Variants in LINGO2 observed in about 807,000 individuals in gnomAD.
LINGO2 encodes leucine-rich repeat and immunoglobulin-like domain-containing nogo receptor-interacting protein 2.
A neutral mutation model predicts 30.6 loss-of-function variants in LINGO2; 14 were observed. The observed-to-expected ratio is 0.46, with a 90% CI of 0.30 to 0.72. The LOEUF (loss-of-function observed/expected upper bound fraction) is 0.72, where lower values mean the gene tolerates loss of function less well. Ranked by LOEUF, LINGO2 falls within the 30% of genes least tolerant of loss-of-function variation. The pLI is 0.07. For synonymous variants in LINGO2, 317 were observed against 288.5 expected (o/e 1.10, Z -1.00); for missense variants, 729 against 751.7 (o/e 0.97, Z 0.35).
At chr9:28,205,556 A>C (rs1820380268) in intron 4 of LINGO2, among the ~76,000 whole-genome samples, 1 of 152,318 alleles carries the variant, frequency 6.6e-6, no homozygotes, top group Admixed American at 6.5e-5. Context: ...GGGAGACAAC[A>C]GCCTTGTCTA....
At chr9:28,845,607 A>G in the LINGO2 span, among the ~76,000 whole-genome samples, 3 of 151,930 alleles carry the variant, frequency 2.0e-5, no homozygotes, top group Admixed American at 1.3e-4. Context: ...TTTAAAATTA[A>G]TTGAAGCATT....
At chr9:28,583,332 T>G in intron 1 of LINGO2, among the ~76,000 whole-genome samples, 1 of 151,974 alleles carries the variant, frequency 6.6e-6, no homozygotes, top group East Asian at 1.9e-4. Context: ...CAAAATGAAA[T>G]TGATTGCAAA....
At chr9:29,005,544 T>G in the LINGO2 span, among the ~76,000 whole-genome samples, 1 of 152,008 alleles carries the variant, frequency 6.6e-6, no homozygotes, top group African/African-American at 2.4e-5. Context: ...TAATACCGAA[T>G]GTACCCACAA....
chr9:28,612,167 T>C (rs1216460035), intron 1 of LINGO2, among the ~76,000 whole-genome samples: 1 of 152,106 alleles, frequency 6.6e-6, no homozygotes, highest in African/African-American at 2.4e-5. Flanking sequence ...GTTTGAGCCA[T>C]CCTTCTGCCT....
the LINGO2 span, among the ~76,000 whole-genome samples, chr9:29,102,084 CTTT>C: frequency 0.048 from 6,991 of 145,108 alleles, 198 homozygotes; most frequent in Admixed American, 0.084. Context: ...ACATCTGCAT[CTTT>C]TTTTTTTTTT....
the LINGO2 span, among the ~76,000 whole-genome samples, chr9:28,807,065 C>T: frequency 6.6e-6 from 1 of 151,882 alleles, no homozygotes; most frequent in African/African-American, 2.4e-5. Context: ...CACTCTGCCA[C>T]CCAGGCTGGA....
the LINGO2 span, among the ~76,000 whole-genome samples, chr9:28,890,937 G>C: frequency 6.6e-6 from 1 of 152,002 alleles, no homozygotes; most frequent in Non-Finnish European, 1.5e-5. Context: ...TAAATAATCA[G>C]CAACTCAGAG....
the LINGO2 span, among the ~76,000 whole-genome samples, chr9:29,118,954 C>G: frequency 6.6e-6 from 1 of 152,178 alleles, no homozygotes; most frequent in South Asian, 2.1e-4. Context: ...TATTACCTGA[C>G]TGCAGCCCCA....
At chr9:28,674,755 C>T (rs1245327893), upstream of LINGO2, among the ~76,000 whole-genome samples, 1 of 152,148 alleles carries the variant, frequency 6.6e-6, no homozygotes, top group East Asian at 1.9e-4. Context: ...ACAACACAGG[C>T]TTTAACACAT....
At chr9:28,659,952 A>G (rs547534285) in intron 1 of LINGO2, among the ~76,000 whole-genome samples, 1 of 152,348 alleles carries the variant, frequency 6.6e-6, no homozygotes, top group East Asian at 1.9e-4. Context: ...GACATCTTAA[A>G]TGTTCTGCAG....
intron 1 of LINGO2, among the ~76,000 whole-genome samples, chr9:28,532,369 C>T (rs1028346911): frequency 6.6e-6 from 1 of 151,988 alleles, no homozygotes; most frequent in African/African-American, 2.4e-5. Flanking sequence ...AGTCCTCAAA[C>T]TGTTTTTTGT....
At chr9:28,484,833 G>C (rs1826107623) in intron 1 of LINGO2, among the ~76,000 whole-genome samples, 1 of 152,100 alleles carries the variant, frequency 6.6e-6, no homozygotes, top group Non-Finnish European at 1.5e-5. Context: ...AGTAGTGTCA[G>C]AGAGAGACAT....
chr9:28,535,461 A>G (rs1040722661), intron 1 of LINGO2, among the ~76,000 whole-genome samples: 1 of 152,158 alleles, frequency 6.6e-6, no homozygotes, highest in African/African-American at 2.4e-5. Flanking sequence ...TCCCATAGCC[A>G]TTCTGGGGAT....
intron 5 of LINGO2, among the ~76,000 whole-genome samples, chr9:27,987,908 G>C (rs1024310929): frequency 1.3e-5 from 2 of 152,004 alleles, no homozygotes; most frequent in Non-Finnish European, 2.9e-5. Flanking sequence ...CAATGTGCAG[G>C]TTTGTTACAT....
chr9:28,073,235 A>T (rs891836881), intron 4 of LINGO2, among the ~76,000 whole-genome samples: 11 of 152,064 alleles, frequency 7.2e-5, no homozygotes, highest in Admixed American at 2.0e-4. Context: ...ATCATTAGTT[A>T]AGGCCTACCC....
At chr9:28,361,921 C>G (rs1317864395) in intron 3 of LINGO2, among the ~76,000 whole-genome samples, 1 of 152,202 alleles carries the variant, frequency 6.6e-6, no homozygotes, top group Non-Finnish European at 1.5e-5. Flanking sequence ...TAAGGTCACA[C>G]AGATAGTAAC....
intron 4 of LINGO2, among the ~76,000 whole-genome samples, chr9:28,049,495 C>G (rs1340830233): frequency 1.3e-5 from 2 of 150,252 alleles, no homozygotes. Context: ...CATATAGGGA[C>G]TAGGCATGAA....
chr9:28,583,398 T>C (rs1303173881), intron 1 of LINGO2, among the ~76,000 whole-genome samples: 2 of 151,994 alleles, frequency 1.3e-5, no homozygotes, highest in East Asian at 1.9e-4. Flanking sequence ...AAAATCTAAA[T>C]GTCTCATCTT....
intron 2 of LINGO2, among the ~76,000 whole-genome samples, chr9:28,379,336 T>G (rs1005274160): frequency 2.0e-5 from 3 of 152,110 alleles, no homozygotes; most frequent in African/African-American, 7.2e-5. Context: ...TGGCAAATGT[T>G]GCTCAGTTTA....
Sources: allele counts gnomAD v4.1 joint callset (sites outside exome capture counted in the v4.1 genomes callset), GRCh38; gene constraint gnomAD v4.1.1; transcripts MANE v1.5; gene names NCBI Gene and HGNC (gene_info 2026-07-23, HGNC 2026-07-21).